The following FERMT2 variants were observed in gnomAD, a reference collection of about 807,000 sequenced individuals.
The protein encoded by FERMT2 is fermitin family homolog 2.
A neutral mutation model predicts 82.7 loss-of-function variants in FERMT2; 15 were observed. That is an observed-to-expected ratio of 0.18 (90% CI 0.12 to 0.28). The LOEUF is 0.28. Among genes scored for constraint, FERMT2 ranks in the 10% least tolerant of loss-of-function variants. FERMT2 has a pLI of 1.00. For synonymous variants in FERMT2, 274 were observed against 271.5 expected, an observed-to-expected ratio of 1.01 and a Z score of -0.09; for missense variants, 645 against 809.4, an observed-to-expected ratio of 0.80 and a Z score of 2.46.
intron 13 of FERMT2, 169 bp from the exon 14 acceptor site, chr14:52,859,883 T>C (rs1404342052): frequency 5.2e-6 from 2 of 384,292 alleles, no homozygotes; most frequent in Admixed American, 4.5e-5. Flanking sequence ...AGTGGCGCGA[T>C]CTCAGCTCAC....
chr14:52,908,642 G>C (rs1486121841), intron 3 of FERMT2, among the ~76,000 whole-genome samples: 2 of 152,192 alleles, frequency 1.3e-5, no homozygotes, highest in East Asian at 1.9e-4. Context: ...GGTTGGCAGA[G>C]GTCGGAAGGG....
intron 9 of FERMT2, 119 bp from the exon 10 acceptor site, chr14:52,873,042 T>A: frequency 1.1e-6 from 1 of 927,162 alleles, no homozygotes; most frequent in Non-Finnish European, 1.7e-6. Flanking sequence ...GTGCTGAAAT[T>A]GATCCCCCTT....
In FERMT2 at chr14:52,888,241, A is replaced by T. The variant is rs76728592; in HGVS notation, c.526+5052T>A. ...TTGCAACCCACTTTCCTACCAAACG[A>T]AAGTATTTTTAAAATACGGATTAGT... is the stretch of plus-strand genomic sequence containing the variant. On this transcript the variant is annotated intron_variant, in intron 4 of 14. Coordinates refer to ENST00000341590, the MANE Select transcript of FERMT2 (RefSeq NM_006832.3). Among the ~76,000 whole-genome samples the T allele has an allele frequency of 2.7e-3, 413 of 152,322 alleles. 2 individuals are homozygous for T. The highest frequency in any genetic ancestry group is 9.5e-3 in the African/African-American group (394 of 41,582).
chr14:52,944,251 G>C (rs1256624998), intron 2 of FERMT2, among the ~76,000 whole-genome samples: 1 of 152,116 alleles, frequency 6.6e-6, no homozygotes, highest in Non-Finnish European at 1.5e-5. Flanking sequence ...ACTTTAATAA[G>C]ATTTTAACAT....
rs71125145 is a variant in FERMT2 at position 52,897,976 on chromosome 14, C to CAAA, written c.392-4552_392-4550dup. On this transcript the variant is annotated intron_variant, in intron 3 of 14. Transcript: ENST00000341590. ...GGGCAAGGAGAGTGAAACTCCGTCT[C>CAAA]AAAAAAAAAAAAAAAAAACAACCAA... Among the ~76,000 whole-genome samples, 341 of 93,210 alleles carry CAAA rather than the reference C, an allele frequency of 3.7e-3. 17 individuals carry two copies. The highest frequency in any genetic ancestry group is 0.033 in the East Asian group (101 of 3,100). 61.1% of individuals were successfully genotyped at this position (93,210 alleles called of 152,430 possible). A position where few individuals can be genotyped will look rare whatever the true frequency, so the allele number is the denominator to read the frequency against.
chr14:52,904,635 T>G (rs73304339), intron 3 of FERMT2, among the ~76,000 whole-genome samples: 24,488 of 149,094 alleles, frequency 0.16, 2,501 homozygotes, highest in African/African-American at 0.28. Flanking sequence ...GGAGGTTGCA[T>G]TGAGCCGAGA....
intron 2 of FERMT2, among the ~76,000 whole-genome samples, chr14:52,923,213 G>GA (rs1555372519): frequency 6.7e-6 from 1 of 149,984 alleles, no homozygotes; most frequent in Admixed American, 6.7e-5. Flanking sequence ...GTTGGGGGGG[G>GA]AATCCAAAGA....
At chr14:52,905,222 A>G (rs1187971279) in intron 3 of FERMT2, among the ~76,000 whole-genome samples, 2 of 151,952 alleles carry the variant, frequency 1.3e-5, no homozygotes, top group African/African-American at 2.4e-5. Flanking sequence ...TGAGTGGAAA[A>G]ACATCAACAG....
intron 3 of FERMT2, among the ~76,000 whole-genome samples, chr14:52,900,396 G>A (rs537459608): frequency 6.6e-6 from 1 of 152,290 alleles, no homozygotes; most frequent in African/African-American, 2.4e-5. Flanking sequence ...TGAGGGTGAG[G>A]GGAATTGAGA....
chr14:52,863,477 G>GTCC (rs1281137888), intron 12 of FERMT2: 1 of 152,140 alleles, frequency 6.6e-6, no homozygotes, highest in African/African-American at 2.4e-5. Context: ...ATGGCATGAT[G>GTCC]TTGGGGGCAG....
At chr14:52,947,042 G>A (rs1890387214) in intron 2 of FERMT2, among the ~76,000 whole-genome samples, 1 of 152,148 alleles carries the variant, frequency 6.6e-6, no homozygotes, top group Non-Finnish European at 1.5e-5. Context: ...AATTATTTAT[G>A]AAGTATCAGC....
chr14:52,904,376 G>C (rs928117269), intron 3 of FERMT2, among the ~76,000 whole-genome samples: 1 of 152,196 alleles, frequency 6.6e-6, no homozygotes, highest in African/African-American at 2.4e-5. Context: ...AATTAGCTGG[G>C]CATGGTGGCA....
chr14:52,872,964 TA>T, intron 9 of FERMT2, 41 bp from the exon 10 acceptor site: 1 of 1,589,484 alleles, frequency 6.3e-7, no homozygotes, highest in Non-Finnish European at 8.6e-7. Flanking sequence ...CACTTGGAAG[TA>T]ACTTTATTAA....
At chr14:52,874,097 A>G in intron 9 of FERMT2, 80 bp downstream of exon 9, 1 of 896,532 alleles carries the variant, frequency 1.1e-6, no homozygotes, top group South Asian at 1.9e-5. Flanking sequence ...AGTCAAACTT[A>G]ACAGTTAGTT....
chr14:52,864,659 C>T lies in FERMT2; in HGVS notation c.1381-37G>A, dbSNP rs201646952. ...AAATACTGATGTGTGCAATGTATCA[C>T]GAGGTGGGTCTTTCAAGTATAAAAT... On this transcript the variant is annotated intron_variant, in intron 11 of 14. Transcript: ENST00000341590. 39 of 1,587,726 alleles carry T rather than the reference C, an allele frequency of 2.5e-5. No individual in the cohort carries two copies. The Middle Eastern group carries it at 5.0e-4, about 20-fold the overall frequency.
chr14:52,860,153 T>G, intron 13 of FERMT2, 188 bp downstream of exon 13: 1 of 553,146 alleles, frequency 1.8e-6, no homozygotes, highest in Non-Finnish European at 3.1e-6. Flanking sequence ...ACAAACACAA[T>G]TATCTTGAAT....
At chr14:52,883,571 C>A (rs1232847646) in intron 4 of FERMT2, among the ~76,000 whole-genome samples, 2 of 152,164 alleles carry the variant, frequency 1.3e-5, no homozygotes, top group African/African-American at 4.8e-5. Context: ...TAATTTCTAT[C>A]CAAAACTGAG....
intron 12 of FERMT2, chr14:52,862,040 T>TAAC (rs1355179860): frequency 6.6e-6 from 1 of 152,106 alleles, no homozygotes; most frequent in Admixed American, 6.6e-5. Context: ...ACCAGGGCAA[T>TAAC]AACATCATGG....
At chr14:52,899,326 A>T (rs891078438) in intron 3 of FERMT2, among the ~76,000 whole-genome samples, 1 of 152,090 alleles carries the variant, frequency 6.6e-6, no homozygotes, top group Non-Finnish European at 1.5e-5. Context: ...TCTGTCGCCC[A>T]GGCTGGAGTG....
Sources: allele counts gnomAD v4.1 joint callset (sites outside exome capture counted in the v4.1 genomes callset), GRCh38; gene constraint gnomAD v4.1.1; transcripts MANE v1.5; gene names NCBI Gene and HGNC (gene_info 2026-07-23, HGNC 2026-07-21).